TBC1D9B: variants seen among roughly 807,000 people sequenced by gnomAD.
TBC1D9B encodes TBC1 domain family, member 9B (with GRAM domain).
Under a neutral mutation model 121.1 loss-of-function variants are expected in TBC1D9B, and 87 were observed. The ratio of observed to expected loss-of-function variants is 0.72; its 90% CI spans 0.60 to 0.86. TBC1D9B has a LOEUF of 0.86. TBC1D9B is among the 40% of genes least tolerant of loss of function. TBC1D9B has a pLI of 0.00. For missense variants in TBC1D9B, 1,540 were observed against 1,628.6 expected (o/e 0.95, Z 0.94); for synonymous variants, 668 against 670.1 (o/e 1.00, Z 0.05).
chr5:179,876,407 T>A (rs1345777782), intron 10 of TBC1D9B, among the ~76,000 whole-genome samples: 1 of 151,822 alleles, frequency 6.6e-6, no homozygotes, highest in Non-Finnish European at 1.5e-5. Context: ...TTCTGCGGAG[T>A]GGTGTTGGGT....
chr5:179,893,843 G>T (rs1160814314), intron 4 of TBC1D9B, among the ~76,000 whole-genome samples: 1 of 152,218 alleles, frequency 6.6e-6, no homozygotes, highest in Non-Finnish European at 1.5e-5. Flanking sequence ...CTGACGGGAG[G>T]TGACTGGCCA....
intron 3 of TBC1D9B, among the ~76,000 whole-genome samples, chr5:179,897,325 T>C (rs1452419924): frequency 6.6e-6 from 1 of 151,388 alleles, no homozygotes; most frequent in Non-Finnish European, 1.5e-5. Flanking sequence ...TCTTTTTTTT[T>C]TTTTTGAGAT....
chr5:179,894,354 G>A (rs373939213), intron 4 of TBC1D9B, 32 bp downstream of exon 4: 2 of 1,576,354 alleles, frequency 1.3e-6, no homozygotes, highest in African/African-American at 1.3e-5. Context: ...CTGAGGGTGT[G>A]GGGGCTGGGG....
intron 14 of TBC1D9B, 105 bp downstream of exon 14, chr5:179,872,787 T>C: frequency 2.8e-6 from 3 of 1,056,146 alleles, no homozygotes; most frequent in Non-Finnish European, 2.9e-6. Flanking sequence ...ACCAAAGCAG[T>C]GTAGGAGACT....
chr5:179,867,995 AAT>A (rs572307906), intron 17 of TBC1D9B, 146 bp from the exon 18 acceptor site: 363 of 587,604 alleles, frequency 6.2e-4, no homozygotes, highest in African/African-American at 6.1e-3. Context: ...AGTGCCCGGT[AAT>A]AGTTTTGATG....
chr5:179,870,232 T>C, intron 16 of TBC1D9B, 23 bp downstream of exon 16: 1 of 1,612,670 alleles, frequency 6.2e-7, no homozygotes, highest in Non-Finnish European at 8.5e-7. Context: ...GTCAAGCCCC[T>C]GGTAGGCCCT....
chr5:179,889,038 T>G (rs1348918210), intron 6 of TBC1D9B, among the ~76,000 whole-genome samples: 1 of 148,568 alleles, frequency 6.7e-6, no homozygotes, highest in Non-Finnish European at 1.5e-5. Context: ...AGTGTGCACT[T>G]TTTTTTTTTT....
intron 14 of TBC1D9B, 28 bp downstream of exon 14, chr5:179,872,864 C>T (rs1316741948): frequency 1.3e-6 from 2 of 1,579,724 alleles, no homozygotes; most frequent in South Asian, 2.2e-5. Flanking sequence ...CCAGCCCAGC[C>T]CCTGCCCAGC....
In TBC1D9B at chr5:179,904,551, C is replaced by A. The variant is rs537539498; in HGVS notation, c.229+151G>T. On this transcript the variant is annotated intron_variant, in intron 2 of 20. Transcript: ENST00000355235. The surrounding 1 kb of genome is among the most constrained non-coding windows in gnomAD (Gnocchi z 4.2). Reference sequence around the variant, plus strand: ...CGGAGCTGCCTTTCTAAGATGGAAGCGAAGGCTCCTCCACTTCCCTCTTGC... The same window carrying A: ...CGGAGCTGCCTTTCTAAGATGGAAGAGAAGGCTCCTCCACTTCCCTCTTGC... The A allele has an allele frequency of 2.8e-5, 20 of 714,756 alleles. No homozygotes were observed. In the South Asian group the frequency reaches 3.5e-4, roughly 13 times the overall value. The allele number at this position is 714,756 out of a possible 1,614,324, so 44.3% of individuals were successfully genotyped here.
rs1169162310 is a variant in TBC1D9B, at chr5:179,874,301, G to A, written c.2186+601C>T. ...TCAAAGACTGAGAGGGGAACCCCAG[G>A]GAAAGGGCATGGTGGGCCTGGGCTG... On this transcript the variant is annotated intron_variant, in intron 12 of 20. Transcript: ENST00000355235. The surrounding 1 kb of genome is among the most constrained non-coding windows in gnomAD (Gnocchi z 4.3). 6.6e-6 allele frequency among the ~76,000 whole-genome samples: 1 copy of A among 152,072 alleles called. No homozygotes were observed. The highest frequency in any genetic ancestry group is 1.5e-5 in the Non-Finnish European group (1 of 68,002).
At position 179,863,564 on chromosome 5, in the gene TBC1D9B, G is replaced by C; in HGVS notation, c.3586C>G (p.Leu1196Val). The change falls in exon 21 of 21, where the codon CTG becomes GTG. Residue 1196 changes from leucine (L) to valine (V), a missense_variant. Physicochemically the swap from Leu to Val is conservative, Grantham distance 32. Coordinates refer to ENST00000355235, the MANE Select transcript of TBC1D9B (RefSeq NM_015043.4). The surrounding 1 kb of genome is among the most constrained non-coding windows in gnomAD (Gnocchi z 4.5). ...ILASILTESV[L>V]VNFFEKRVDI... ...ACTCTCTTCTCAAAGAAGTTCACCA[G>C]CACGGACTCCGTCAGGATGGAGGCC... 1 of 1,614,148 alleles carries C rather than the reference G, an allele frequency of 6.2e-7. No individual in the cohort carries two copies. Among genetic ancestry groups the C allele is most frequent in the Non-Finnish European group, 8.5e-7 (1 of 1,180,038 alleles).
At chr5:179,903,402 G>A (rs950561903) in intron 2 of TBC1D9B, among the ~76,000 whole-genome samples, 4 of 152,300 alleles carry the variant, frequency 2.6e-5, no homozygotes, top group South Asian at 2.1e-4. Flanking sequence ...ACTTCCCTCC[G>A]CACTCTTGGA....
intron 2 of TBC1D9B, among the ~76,000 whole-genome samples, chr5:179,899,806 C>T (rs780729194): frequency 2.0e-5 from 3 of 152,206 alleles, no homozygotes; most frequent in African/African-American, 2.4e-5. Context: ...GCCAGCGAGG[C>T]TCCTGCTGGG....
At position 179,872,777 on chromosome 5, in the gene TBC1D9B, ACC is replaced by A; in HGVS notation, c.2415+113_2415+114del. On this transcript the variant is annotated intron_variant, in intron 14 of 20. Coordinates refer to ENST00000355235, the MANE Select transcript of TBC1D9B (RefSeq NM_015043.4). ...CCATGAATCCTACCATGATGTACATACCAAAGCAGTGTAGGAGACTGGGTGCG... is the reference window on the plus strand; with the variant it reads ...CCATGAATCCTACCATGATGTACATAAAAGCAGTGTAGGAGACTGGGTGCG... 8 of 975,266 alleles carry A rather than the reference ACC, an allele frequency of 8.2e-6. No homozygotes were observed. In the South Asian group the frequency reaches 1.1e-4, roughly 14 times the overall value. 60.4% of individuals were successfully genotyped at this position (975,266 alleles called of 1,614,324 possible). A position where few individuals can be genotyped will look rare whatever the true frequency, so the allele number is the denominator to read the frequency against.
chr5:179,882,712 T>TA (rs1395243882), intron 7 of TBC1D9B, among the ~76,000 whole-genome samples: 1 of 152,122 alleles, frequency 6.6e-6, no homozygotes, highest in African/African-American at 2.4e-5. Flanking sequence ...TAGCCAGGCA[T>TA]GGTGGCACAT....
At position 179,907,888 on chromosome 5, in the gene TBC1D9B, A is replaced by AGCGGAGCGT. The variant is rs1467554148; in HGVS notation, c.-76_-68dup. 3,571 of 914,156 alleles carry AGCGGAGCGT rather than the reference A, an allele frequency of 3.9e-3. 10 individuals carry two copies. The highest frequency in any genetic ancestry group is 4.7e-3 in the Middle Eastern group (9 of 1,924). 56.6% of individuals were successfully genotyped at this position (914,156 alleles called of 1,614,324 possible). Reference sequence around the variant, plus strand: ...GCGCCCGCCGCCGTCGGCGTCCCGGAGCGGAGCGTGCGGAGCGGAGCGTGC... The same window carrying AGCGGAGCGT: ...GCGCCCGCCGCCGTCGGCGTCCCGGAGCGGAGCGTGCGGAGCGTGCGGAGCGGAGCGTGC... On this transcript the variant is annotated 5_prime_UTR_variant, in exon 1 of 21. Transcript: ENST00000355235. This position sits in a 1 kb window ranked among gnomAD's most constrained non-coding sequence, Gnocchi z 5.3.
intron 9 of TBC1D9B, 38 bp downstream of exon 9, chr5:179,879,009 G>A: frequency 6.3e-7 from 1 of 1,591,866 alleles, no homozygotes; most frequent in East Asian, 2.2e-5. Context: ...GGGACTGACT[G>A]GCTGAGCTGA....
At position 179,869,786 on chromosome 5, in the gene TBC1D9B, T is replaced by G. The variant is rs765140203; in HGVS notation, c.2774A>C (p.Lys925Thr). Residue 925 changes from lysine to threonine, a missense_variant, in exon 17 of 21, where the codon AAG becomes ACG. Transcript: ENST00000355235. ...GCTCTCACCTGGGGGAAGGTGTAGC[T>G]TGTAGAGCACCTTGAGCTTCTCTGT... Reference protein sequence around the residue: ...DLTEKLKVLYKLHLPPALSPE... With the variant: ...DLTEKLKVLYTLHLPPALSPE... 1.1e-5 allele frequency: 18 copies of G among 1,600,094 alleles called. No individual in the cohort carries two copies. The African/African-American group carries it at 2.4e-4, about 21-fold the overall frequency.
intron 7 of TBC1D9B, among the ~76,000 whole-genome samples, chr5:179,880,512 GCCACGGTC>G (rs1342975248): frequency 3.3e-5 from 5 of 152,184 alleles, no homozygotes; most frequent in Non-Finnish European, 7.4e-5. Flanking sequence ...TGGTCCCGTG[GCCACGGTC>G]CCACTCCACC....
Sources: gnomAD v4.1 joint callset for allele counts (sites outside exome capture counted in the v4.1 genomes callset) on GRCh38, gnomAD v4.1.1 for gene constraint, Gnocchi (gnomAD v3.1) non-coding constraint, MANE v1.5 for transcripts, NCBI Gene and HGNC (gene_info 2026-07-23, HGNC 2026-07-21) for gene names.